SMOC2: variants seen among roughly 807,000 people sequenced by gnomAD.
The protein encoded by SMOC2 is SPARC related modular calcium binding 2, also known as SPARC-related modular calcium-binding protein 2.
In SMOC2, 39 loss-of-function variants were observed where a neutral mutation model predicts 61.4. The ratio of observed to expected loss-of-function variants is 0.64; its 90% CI spans 0.49 to 0.83. The LOEUF is 0.83. SMOC2 is among the 40% of genes least tolerant of loss of function. The pLI is 0.00. For missense variants in SMOC2, 556 were observed against 592.9 expected, an observed-to-expected ratio of 0.94 and a Z score of 0.65; for synonymous variants, 247 against 239.9, an observed-to-expected ratio of 1.03 and a Z score of -0.27.
At chr6:168,474,783 G>A (rs1039561008) in intron 1 of SMOC2, among the ~76,000 whole-genome samples, 9 of 152,256 alleles carry the variant, frequency 5.9e-5, no homozygotes, top group African/African-American at 2.2e-4. Flanking sequence ...TGCTGCTGAT[G>A]TTCTGTGTAG....
At chr6:168,629,390 C>A (rs1786507024) in intron 9 of SMOC2, among the ~76,000 whole-genome samples, 1 of 152,248 alleles carries the variant, frequency 6.6e-6, no homozygotes, top group Admixed American at 6.5e-5. Flanking sequence ...TGCTGCTCTC[C>A]CAGTGCTGCT....
intron 1 of SMOC2, among the ~76,000 whole-genome samples, chr6:168,507,372 C>G (rs1782897163): frequency 6.6e-6 from 1 of 152,220 alleles, no homozygotes; most frequent in Non-Finnish European, 1.5e-5. Flanking sequence ...ACTGCAGGTT[C>G]ATGTTTTCTT....
At chr6:168,610,968 C>T (rs200461884) in intron 9 of SMOC2, among the ~76,000 whole-genome samples, 38,160 of 150,602 alleles carry the variant, frequency 0.25, 4,951 homozygotes, top group Non-Finnish European at 0.27. Context: ...CTTCTTAAAC[C>T]AGCCCTTCCT....
intron 1 of SMOC2, among the ~76,000 whole-genome samples, chr6:168,468,829 C>T (rs576241433): frequency 8.0e-4 from 122 of 152,312 alleles, no homozygotes; most frequent in Admixed American, 1.5e-3. Flanking sequence ...CCACCACACC[C>T]GGAGGATTAT....
chr6:168,451,764 T>C (rs1781474304), intron 1 of SMOC2, among the ~76,000 whole-genome samples: 1 of 152,232 alleles, frequency 6.6e-6, no homozygotes, highest in African/African-American at 2.4e-5. Flanking sequence ...GTGAGTATGC[T>C]AATCAGTTCT....
intron 4 of SMOC2, among the ~76,000 whole-genome samples, chr6:168,536,790 C>G (rs1172090440): frequency 6.6e-6 from 1 of 152,154 alleles, no homozygotes; most frequent in African/African-American, 2.4e-5. Flanking sequence ...ACAAGGAGTG[C>G]GTGCAAGTCC....
At chr6:168,617,367 G>A (rs1015299603) in intron 9 of SMOC2, among the ~76,000 whole-genome samples, 3 of 152,168 alleles carry the variant, frequency 2.0e-5, no homozygotes, top group Non-Finnish European at 4.4e-5. Context: ...ACTGAGCAGG[G>A]TGGCTGTTTC....
chr6:168,497,729 C>T (rs1782626584), intron 1 of SMOC2, among the ~76,000 whole-genome samples: 1 of 152,140 alleles, frequency 6.6e-6, no homozygotes, highest in Admixed American at 6.5e-5. Context: ...TCGGGTTATT[C>T]AATCATCGCC....
intron 8 of SMOC2, among the ~76,000 whole-genome samples, chr6:168,599,692 T>TCA (rs1329928457): frequency 1.9e-5 from 2 of 103,652 alleles, no homozygotes; most frequent in Non-Finnish European, 3.7e-5. Context: ...TCTCACACTC[T>TCA]CACACACACA....
chr6:168,517,626 G>A (rs754859676), intron 2 of SMOC2, among the ~76,000 whole-genome samples: 5 of 152,256 alleles, frequency 3.3e-5, no homozygotes, highest in Non-Finnish European at 7.3e-5. Context: ...CTCCCCGTGG[G>A]GCTCCGTCCA....
At chr6:168,492,529 G>C (rs1782491711) in intron 1 of SMOC2, among the ~76,000 whole-genome samples, 1 of 152,222 alleles carries the variant, frequency 6.6e-6, no homozygotes, top group Non-Finnish European at 1.5e-5. Context: ...ACTCAGTCCA[G>C]TGATAAGGGT....
At chr6:168,459,593 TG>T (rs1331902337) in intron 1 of SMOC2, among the ~76,000 whole-genome samples, 1 of 7,590 alleles carries the variant, frequency 1.3e-4, no homozygotes, top group Non-Finnish European at 2.6e-4. Flanking sequence ...AGCCCTGGGG[TG>T]GGTGAGCACT....
chr6:168,538,822 G>A (rs1196836690), intron 4 of SMOC2, among the ~76,000 whole-genome samples: 1 of 151,834 alleles, frequency 6.6e-6, no homozygotes, highest in Non-Finnish European at 1.5e-5. Context: ...GACCCCTGCT[G>A]GAATCTGGGG....
intron 4 of SMOC2, among the ~76,000 whole-genome samples, chr6:168,534,534 G>T (rs1348725488): frequency 6.6e-6 from 1 of 152,200 alleles, no homozygotes; most frequent in African/African-American, 2.4e-5. Flanking sequence ...TCCCATCTGG[G>T]CCCAGCCTTT....
intron 1 of SMOC2, among the ~76,000 whole-genome samples, chr6:168,472,357 T>A (rs1347281463): frequency 6.6e-6 from 1 of 152,168 alleles, no homozygotes. Flanking sequence ...CATTTGCCTG[T>A]ATATGTAAGA....
intron 4 of SMOC2, 67 bp from the exon 5 acceptor site, chr6:168,543,558 C>T: frequency 2.1e-6 from 3 of 1,403,332 alleles, no homozygotes; most frequent in Non-Finnish European, 3.0e-6. Flanking sequence ...ATGTGCATAA[C>T]TTAATTTGTG....
At chr6:168,478,387 G>A (rs1006910175) in intron 1 of SMOC2, among the ~76,000 whole-genome samples, 2 of 152,186 alleles carry the variant, frequency 1.3e-5, no homozygotes. Context: ...GAGTTTTAGG[G>A]AAGTCTTTAA....
intron 2 of SMOC2, among the ~76,000 whole-genome samples, chr6:168,517,578 C>T (rs1019273010): frequency 2.0e-5 from 3 of 152,240 alleles, no homozygotes; most frequent in Non-Finnish European, 4.4e-5. Context: ...CCTAAGAAGC[C>T]GGAGCCACGG....
At chr6:168,541,402 C>T (rs1783876003) in intron 4 of SMOC2, among the ~76,000 whole-genome samples, 1 of 152,178 alleles carries the variant, frequency 6.6e-6, no homozygotes, top group Non-Finnish European at 1.5e-5. Flanking sequence ...CCCTTTTCTG[C>T]AAGTACAGCC....
Sources: gnomAD v4.1 joint callset for allele counts (sites outside exome capture counted in the v4.1 genomes callset) on GRCh38, gnomAD v4.1.1 for gene constraint, MANE v1.5 for transcripts, NCBI Gene and HGNC (gene_info 2026-07-23, HGNC 2026-07-21) for gene names.